ARHGEF26: variants seen among roughly 807,000 people sequenced by gnomAD.
ARHGEF26 encodes Rho guanine nucleotide exchange factor (GEF) 26.
ARHGEF26 carries 59 observed loss-of-function variants against 89.4 expected under a neutral mutation model. The ratio of observed to expected loss-of-function variants is 0.66; its 90% CI spans 0.54 to 0.82. ARHGEF26 has a LOEUF of 0.82. Ranked by LOEUF, ARHGEF26 falls within the 40% of genes least tolerant of loss-of-function variation. ARHGEF26 has a pLI of 0.00. For synonymous variants in ARHGEF26, 500 were observed against 428.4 expected (o/e 1.17, Z -2.06); for missense variants, 1,234 against 1,085.6 (o/e 1.14, Z -1.92).
chr3:154,235,101 A>T (rs1559917975), intron 11 of ARHGEF26, among the ~76,000 whole-genome samples: 1 of 149,310 alleles, frequency 6.7e-6, no homozygotes, highest in African/African-American at 2.5e-5. Context: ...CTGCATGTTT[A>T]TTTTTTTTCC....
chr3:154,236,148 G>A (rs1482154465), intron 11 of ARHGEF26, among the ~76,000 whole-genome samples: 1 of 152,084 alleles, frequency 6.6e-6, no homozygotes, highest in Non-Finnish European at 1.5e-5. Flanking sequence ...AACAAAGAAT[G>A]CCCTCCAGAG....
intron 4 of ARHGEF26, among the ~76,000 whole-genome samples, chr3:154,129,979 C>T (rs1269648089): frequency 1.3e-5 from 2 of 152,004 alleles, no homozygotes; most frequent in Non-Finnish European, 2.9e-5. Flanking sequence ...ACTCTTTCTG[C>T]GAGATCTCTC....
chr3:154,163,013 C>T (rs1711764263), intron 6 of ARHGEF26, among the ~76,000 whole-genome samples: 1 of 152,082 alleles, frequency 6.6e-6, no homozygotes, highest in Non-Finnish European at 1.5e-5. Context: ...AACATTTATA[C>T]CTTGATTTAA....
At chr3:154,168,632 C>T (rs892059230) in intron 6 of ARHGEF26, among the ~76,000 whole-genome samples, 8 of 152,210 alleles carry the variant, frequency 5.3e-5, no homozygotes, top group African/African-American at 1.9e-4. Flanking sequence ...TATCAAATAG[C>T]ATCTGTTTAT....
At chr3:154,235,635 T>C (rs1717078231) in intron 11 of ARHGEF26, among the ~76,000 whole-genome samples, 1 of 152,230 alleles carries the variant, frequency 6.6e-6, no homozygotes, top group Non-Finnish European at 1.5e-5. Context: ...GAAATTCTTG[T>C]TTTTTACTTT....
At chr3:154,241,543 T>C (rs1333439122) in intron 12 of ARHGEF26, among the ~76,000 whole-genome samples, 1 of 152,234 alleles carries the variant, frequency 6.6e-6, no homozygotes, top group Non-Finnish European at 1.5e-5. Flanking sequence ...CAAGAAAAGT[T>C]ATTGAAGGAC....
chr3:154,141,371 C>T (rs1719372091), intron 4 of ARHGEF26, among the ~76,000 whole-genome samples: 1 of 152,208 alleles, frequency 6.6e-6, no homozygotes, highest in Admixed American at 6.5e-5. Context: ...GGCTCAGCTA[C>T]TTTGCCCCCG....
At chr3:154,197,481 A>G (rs530355860) in intron 9 of ARHGEF26, among the ~76,000 whole-genome samples, 6 of 152,278 alleles carry the variant, frequency 3.9e-5, no homozygotes, top group African/African-American at 1.4e-4. Context: ...TAAATTTGGT[A>G]TGTTGAGGCC....
At chr3:154,205,044 C>G (rs575788015) in intron 9 of ARHGEF26, among the ~76,000 whole-genome samples, 39 of 152,204 alleles carry the variant, frequency 2.6e-4, no homozygotes, top group African/African-American at 8.9e-4. Flanking sequence ...CAGATTAAGT[C>G]TGATGTTTCT....
At chr3:154,253,067 T>C (rs752526185) in intron 12 of ARHGEF26, 49 bp from the exon 13 acceptor site, 5 of 1,601,804 alleles carry the variant, frequency 3.1e-6, no homozygotes, top group Non-Finnish European at 4.3e-6. Context: ...CACTCCATTC[T>C]GTGTTTTTAC....
chr3:154,129,447 C>G (rs1718540215), intron 3 of ARHGEF26, 127 bp from the exon 4 acceptor site: 1 of 1,050,284 alleles, frequency 9.5e-7, no homozygotes, highest in Non-Finnish European at 1.4e-6. Context: ...TCTTCAGGGA[C>G]TAAATCTGTT....
chr3:154,249,894 C>T (rs1718023571), intron 12 of ARHGEF26, among the ~76,000 whole-genome samples: 1 of 152,180 alleles, frequency 6.6e-6, no homozygotes. Context: ...TGAGTGAGCC[C>T]TAGACTTCAT....
chr3:154,252,193 A>T (rs910593374), intron 12 of ARHGEF26, among the ~76,000 whole-genome samples: 1 of 152,144 alleles, frequency 6.6e-6, no homozygotes, highest in African/African-American at 2.4e-5. Context: ...AAGAATGTAG[A>T]GTGGCACAGT....
At chr3:154,146,706 TTA>T (rs1719726424) in intron 4 of ARHGEF26, among the ~76,000 whole-genome samples, 1 of 152,230 alleles carries the variant, frequency 6.6e-6, no homozygotes, top group Non-Finnish European at 1.5e-5. Context: ...ATTCACTATC[TTA>T]ATAAGGCACA....
At chr3:154,129,873 G>C in intron 4 of ARHGEF26, 154 bp downstream of exon 4, 1 of 915,264 alleles carries the variant, frequency 1.1e-6, no homozygotes, top group South Asian at 1.9e-5. Context: ...AACTCTGCCC[G>C]CACTAATGAG....
chr3:154,122,264 T>C lies in ARHGEF26; in HGVS notation c.272T>C (p.Val91Ala), dbSNP rs1717995162. Residue 91 changes from valine (V) to alanine (A), a missense_variant, in exon 2 of 15, where the codon GTG becomes GCG. Coordinates refer to ENST00000465093, the MANE Select transcript of ARHGEF26 (RefSeq NM_015595.4). ...PLLLGAQRRA[V>A]ANGGTASPEY... is the part of the protein sequence containing the mutation. The stretch of plus-strand genomic sequence containing the variant: ...CTTCTGGGCGCCCAGCGGAGAGCGG[T>C]GGCCAATGGTGGGACGGCATCCCCG... The C allele has an allele frequency of 4.3e-6, 7 of 1,612,028 alleles. No homozygotes were observed. In the Admixed American group the frequency reaches 6.7e-5, roughly 15 times the overall value.
At chr3:154,141,254 C>T (rs192262019) in intron 4 of ARHGEF26, among the ~76,000 whole-genome samples, 4 of 152,280 alleles carry the variant, frequency 2.6e-5, no homozygotes, top group South Asian at 2.1e-4. Flanking sequence ...TGAGAGCCAC[C>T]GTGCCTGGCC....
At chr3:154,123,175 C>T in intron 2 of ARHGEF26, 100 bp downstream of exon 2, 6 of 1,492,084 alleles carry the variant, frequency 4.0e-6, no homozygotes, top group African/African-American at 1.4e-5. Flanking sequence ...AGAAGTCATT[C>T]CGTTTTAATT....
intron 6 of ARHGEF26, among the ~76,000 whole-genome samples, chr3:154,170,902 T>A (rs1712391150): frequency 6.6e-6 from 1 of 152,254 alleles, no homozygotes; most frequent in African/African-American, 2.4e-5. Context: ...TATCAGCTAA[T>A]ACTGAATTAT....
Sources: allele counts gnomAD v4.1 joint callset (sites outside exome capture counted in the v4.1 genomes callset), GRCh38; gene constraint gnomAD v4.1.1; transcripts MANE v1.5; gene names NCBI Gene and HGNC (gene_info 2026-07-23, HGNC 2026-07-21).